The following EPHA1 variants were observed in gnomAD, a reference collection of about 807,000 sequenced individuals.
EPHA1 encodes the protein EPH receptor A1.
EPHA1 carries 92 observed loss-of-function variants against 110.1 expected under a neutral mutation model. The observed-to-expected ratio is 0.84, with a 90% CI of 0.71 to 0.99. The LOEUF (loss-of-function observed/expected upper bound fraction) is 0.99, where lower values mean the gene tolerates loss of function less well. EPHA1 is among the 50% of genes least tolerant of loss of function. The pLI is 0.00. For synonymous variants in EPHA1, 500 were observed against 516.1 expected, an observed-to-expected ratio of 0.97 and a Z score of 0.42; for missense variants, 1,204 against 1,285.4, an observed-to-expected ratio of 0.94 and a Z score of 0.97.
chr7:143,400,078 G>A, intron 3 of EPHA1, 25 bp from the exon 4 acceptor site: 1 of 1,564,920 alleles, frequency 6.4e-7, no homozygotes, highest in Non-Finnish European at 8.7e-7. Flanking sequence ...GGGAAGAAAG[G>A]GGAGCAATGG....
Position 143,399,762 on chromosome 7 carries a change from A to C in EPHA1, c.724T>G (p.Ser242Ala), listed in dbSNP as rs779696210. The C allele has an allele frequency of 6.2e-7, 1 of 1,613,274 alleles. No individual in the cohort carries two copies. Among genetic ancestry groups the C allele is most frequent in the Non-Finnish European group, 8.5e-7 (1 of 1,179,906 alleles). The change falls in exon 4 of 18, where the codon TCA becomes GCA. Residue 242 changes from serine (S) to alanine (A), a missense_variant. Coordinates refer to ENST00000275815, the MANE Select transcript of EPHA1 (RefSeq NM_005232.5). ...LPHARASPRP[S>A]GAPRMHCSPD... ...CTGCAGTGCATGCGGGGTGCACCTG[A>C]GGGCCTGGGGCTGGCCCGCGCGTGG...
chr7:143,398,969 G>A (rs775911670), intron 5 of EPHA1, 24 bp from the exon 6 acceptor site: 1 of 1,554,762 alleles, frequency 6.4e-7, no homozygotes, highest in South Asian at 1.2e-5. Context: ...GGAGCCATCA[G>A]TAGAAGCCGA....
In EPHA1 at chr7:143,393,813, G is replaced by A; in HGVS notation, c.2554C>T (p.Pro852Ser). The A allele has an allele frequency of 6.2e-7, 1 of 1,604,112 alleles. No homozygotes were observed. Among genetic ancestry groups the A allele is most frequent in the Non-Finnish European group, 8.5e-7 (1 of 1,173,604 alleles). The change falls in exon 16 of 18, where the codon CCT (proline) becomes TCT (serine). Residue 852 changes from proline to serine, a missense_variant. By Grantham distance (74) the Pro-to-Ser change is moderately conservative. Transcript: ENST00000275815. The surrounding 1 kb of genome is among the most constrained non-coding windows in gnomAD (Gnocchi z 5.6). ...GYRLPPPVDC[P>S]APLYELMKNC... is the part of the protein sequence containing the mutation. Reference sequence around the variant, plus strand: ...TTCATGAGCTCATACAGAGGGGCAGGGCAGTCCACAGGAGGGGGCAACCGG... The same window carrying A: ...TTCATGAGCTCATACAGAGGGGCAGAGCAGTCCACAGGAGGGGGCAACCGG...
intron 6 of EPHA1, 31 bp downstream of exon 6, chr7:143,398,570 G>A: frequency 6.2e-7 from 1 of 1,607,674 alleles, no homozygotes. Context: ...TCTCCACCAG[G>A]TCCCTGTCCC....
In EPHA1 at chr7:143,395,315, G is replaced by T. The variant is rs754624005; in HGVS notation, c.2083+4C>A. Reference sequence around the variant, plus strand: ...CCCCAGCTGAGGGAGACCACTCATCGTACGCTTTGTGACGACGCCTTCCAG... The same window carrying T: ...CCCCAGCTGAGGGAGACCACTCATCTTACGCTTTGTGACGACGCCTTCCAG... On this transcript the variant is annotated splice_donor_region_variant and intron_variant, in intron 12 of 17. Transcript: ENST00000275815. This position sits in a 1 kb window ranked among gnomAD's most constrained non-coding sequence, Gnocchi z 4.7. The T allele has an allele frequency of 1.2e-6, 2 of 1,614,010 alleles. No homozygotes were observed. The highest frequency in any genetic ancestry group is 1.7e-6 in the Non-Finnish European group (2 of 1,180,050).
chr7:143,400,957 A>G (rs1805397963), intron 3 of EPHA1: 1 of 248,054 alleles, frequency 4.0e-6, no homozygotes, highest in East Asian at 1.1e-4. Flanking sequence ...ACAGTGGCAC[A>G]ATCATAGATC....
chr7:143,408,688 CGCGGGGGTTGGGGGCGCGGGG>C lies in EPHA1; in HGVS notation c.82+15_82+35del, dbSNP rs1333324091. ...GGCCGGGCCCCGGGAAGGGGCGGGG[CGCGGGGGTTGGGGGCGCGGGG>C]GCGGGGGTCGGTACCTTCCTTGGCG... is the stretch of plus-strand genomic sequence containing the variant. On this transcript the variant is annotated intron_variant, in intron 1 of 17. Transcript: ENST00000275815. 2 of 320,604 alleles carry C rather than the reference CGCGGGGGTTGGGGGCGCGGGG, an allele frequency of 6.2e-6. No homozygotes were observed. The highest frequency in any genetic ancestry group is 8.7e-6 in the Non-Finnish European group (2 of 229,758). 19.9% of individuals were successfully genotyped at this position (320,604 alleles called of 1,614,324 possible). A position where few individuals can be genotyped will look rare whatever the true frequency, so the allele number is the denominator to read the frequency against.
At chr7:143,396,634 G>A (rs1284287330) in intron 10 of EPHA1, 124 bp from the exon 11 acceptor site, 2 of 1,240,988 alleles carry the variant, frequency 1.6e-6, no homozygotes, top group African/African-American at 3.0e-5. Context: ...GGTGACTCCT[G>A]TTTGGGCTGA....
At chr7:143,404,536 T>C (rs912135445) in intron 2 of EPHA1, among the ~76,000 whole-genome samples, 33 of 152,192 alleles carry the variant, frequency 2.2e-4, no homozygotes, top group African/African-American at 7.7e-4. Context: ...TATATCTTTA[T>C]ATATTTATTT....
chr7:143,392,456 T>A (rs1327770504), intron 16 of EPHA1, among the ~76,000 whole-genome samples: 1 of 152,170 alleles, frequency 6.6e-6, no homozygotes, highest in Non-Finnish European at 1.5e-5. Flanking sequence ...AACAAGGTTA[T>A]ATATGGTGGT....
intron 14 of EPHA1, 25 bp from the exon 15 acceptor site, chr7:143,394,368 C>A: frequency 6.2e-7 from 1 of 1,605,678 alleles, no homozygotes; most frequent in East Asian, 2.2e-5. Flanking sequence ...GGGTCAGGGA[C>A]GGAAAGTTAT....
At chr7:143,392,966 C>CT (rs1805133924) in intron 16 of EPHA1, among the ~76,000 whole-genome samples, 1 of 152,030 alleles carries the variant, frequency 6.6e-6, no homozygotes, top group African/African-American at 2.4e-5. Context: ...AACAACAACT[C>CT]TGCACTCATG....
chr7:143,394,157 A>G (rs1232451105), intron 15 of EPHA1, 37 bp downstream of exon 15: 1 of 1,587,390 alleles, frequency 6.3e-7, no homozygotes, highest in Admixed American at 1.7e-5. Flanking sequence ...AGAGGTGTGA[A>G]TTGGAGACAA....
intron 1 of EPHA1, among the ~76,000 whole-genome samples, 160 bp downstream of exon 1, chr7:143,408,564 T>C (rs975802297): frequency 6.6e-6 from 1 of 151,094 alleles, no homozygotes; most frequent in Non-Finnish European, 1.5e-5. Flanking sequence ...AAGATGGGCC[T>C]GGCCAGTCGA....
rs1374033123 is a variant in EPHA1 at position 143,397,309 on chromosome 7, T to C, written c.1766A>G (p.Asp589Gly). The change falls in exon 10 of 18, where the codon GAT becomes GGT. Residue 589 changes from aspartate (D) to glycine (G), a missense_variant. By Grantham distance (94) the Asp-to-Gly change is moderately conservative. Transcript: ENST00000275815. Reference sequence around the variant, plus strand: ...CGCAGGTGCACCCGACTCACCTCGATCCACATCGGTGGCGCGGTCACGCTG... The same window carrying C: ...CGCAGGTGCACCCGACTCACCTCGACCCACATCGGTGGCGCGGTCACGCTG... ...QRQRDRATDVDREDKLWLKPY... is the reference protein window; with the variant it reads ...QRQRDRATDVGREDKLWLKPY... 2 of 1,549,482 alleles carry C rather than the reference T, an allele frequency of 1.3e-6. No homozygotes were observed. Among genetic ancestry groups the C allele is most frequent in the Admixed American group, 2.0e-5 (1 of 50,982 alleles).
chr7:143,407,509 A>C, intron 2 of EPHA1, 102 bp downstream of exon 2: 1 of 1,172,044 alleles, frequency 8.5e-7, no homozygotes, highest in Non-Finnish European at 1.2e-6. Context: ...AGACACTTCC[A>C]GTTTTTCCTG....
intron 2 of EPHA1, among the ~76,000 whole-genome samples, chr7:143,402,792 A>ACACT (rs1173376154): frequency 6.6e-6 from 1 of 152,210 alleles, no homozygotes; most frequent in African/African-American, 2.4e-5. Context: ...AATGAGCCAG[A>ACACT]CACTCCAGGT....
Position 143,393,995 on chromosome 7 carries a change from CGATCACAGTGGGAG to C in EPHA1, c.2503-145_2503-132del, listed in dbSNP as rs1211228603. On this transcript the variant is annotated intron_variant, in intron 15 of 17. Transcript: ENST00000275815. This position sits in a 1 kb window ranked among gnomAD's most constrained non-coding sequence, Gnocchi z 5.6. ...AGGAGGTGGGAGGACCAGGGTGGGA[CGATCACAGTGGGAG>C]GATCAGGGTGGGAGGAGTAAAGAGA... The C allele has an allele frequency of 2.4e-6, 3 of 1,256,792 alleles. No individual in the cohort carries two copies. Among genetic ancestry groups the C allele is most frequent in the Non-Finnish European group, 3.3e-6 (3 of 918,040 alleles). 77.9% of individuals were successfully genotyped at this position (1,256,792 alleles called of 1,614,324 possible).
chr7:143,392,116 C>T (rs1053113969), intron 16 of EPHA1, among the ~76,000 whole-genome samples: 5 of 152,198 alleles, frequency 3.3e-5, no homozygotes, highest in African/African-American at 1.2e-4. Flanking sequence ...AGTCTCCTGT[C>T]TGAGAGGAAG....
Sources: gnomAD v4.1 joint callset for allele counts (sites outside exome capture counted in the v4.1 genomes callset) on GRCh38, gnomAD v4.1.1 for gene constraint, Gnocchi (gnomAD v3.1) non-coding constraint, MANE v1.5 for transcripts, NCBI Gene and HGNC (gene_info 2026-07-23, HGNC 2026-07-21) for gene names.